The following HIP1R variants were observed in gnomAD, a reference collection of about 807,000 sequenced individuals.
HIP1R encodes huntingtin interacting protein 1 related.
A neutral mutation model predicts 144.2 loss-of-function variants in HIP1R; 135 were observed. That is an observed-to-expected ratio of 0.94 (90% CI 0.81 to 1.08). The LOEUF is 1.08. Ranked by LOEUF, HIP1R falls within the 50% of genes least tolerant of loss-of-function variation. HIP1R has a pLI of 0.00. For synonymous variants in HIP1R, 698 were observed against 612.8 expected (o/e 1.14, Z -2.05); for missense variants, 1,462 against 1,432.8 (o/e 1.02, Z -0.33).
intron 1 of HIP1R, among the ~76,000 whole-genome samples, chr12:122,838,452 A>T (rs956988398): frequency 2.0e-5 from 3 of 152,326 alleles, no homozygotes; most frequent in South Asian, 2.1e-4. Context: ...TGTACCATTT[A>T]AAAAGAGGGT....
chr12:122,862,277 C>G lies in HIP1R; in HGVS notation c.*524C>G, dbSNP rs989772647. ...CCAGGCCCTCCAGCTGCGTGGTCTCCGCAGACCAGGCTCTGTGTGGGCTAG... is the reference window on the plus strand; with the variant it reads ...CCAGGCCCTCCAGCTGCGTGGTCTCGGCAGACCAGGCTCTGTGTGGGCTAG... On this transcript the variant is annotated 3_prime_UTR_variant, in exon 32 of 32. Transcript: ENST00000253083. The G allele has an allele frequency of 6.4e-6, 1 of 155,272 alleles. No individual in the cohort carries two copies. 9.6% of individuals were successfully genotyped at this position (155,272 alleles called of 1,614,324 possible).
rs761288261 is a variant in HIP1R, at chr12:122,856,639, C to T, written c.1533C>T (p.Ser511=). ...RESELKLEEK[S]DQLEKLKREL... ...TCCTGTCCCAGCTAGAGGAGAAGAG[C>T]GACCAGCTGGAGAAGCTCAAGAGGG... is the stretch of plus-strand genomic sequence containing the variant. The change falls in exon 17 of 32, where the codon AGC becomes AGT. Residue 511 remains serine (S), a synonymous_variant. Transcript: ENST00000253083. 6.2e-6 allele frequency: 10 copies of T among 1,604,886 alleles called. No homozygotes were observed. Among genetic ancestry groups the T allele is most frequent in the East Asian group, 2.2e-5 (1 of 44,590 alleles).
In HIP1R at chr12:122,855,318, G is replaced by T. The variant is rs777216088; in HGVS notation, c.906G>T (p.Val302=). The part of the protein sequence containing the change: ...ASALAEHIKP[V]VVIPEEAPED... ...CCCTGGCTGAGCACATCAAGCCGGTGGTGGTGATCCCCGAGGAGGCCCCGG... is the reference window on the plus strand; with the variant it reads ...CCCTGGCTGAGCACATCAAGCCGGTTGTGGTGATCCCCGAGGAGGCCCCGG... Residue 302 remains valine, a synonymous_variant, in exon 11 of 32, where the codon GTG becomes GTT. Transcript: ENST00000253083. The T allele has an allele frequency of 3.3e-5, 53 of 1,612,428 alleles. No homozygotes were observed. Among genetic ancestry groups the T allele is most frequent in the Middle Eastern group, 1.7e-4 (1 of 5,986 alleles).
chr12:122,855,735 A>T, intron 12 of HIP1R, 96 bp from the exon 13 acceptor site: 1 of 1,502,852 alleles, frequency 6.7e-7, no homozygotes, highest in South Asian at 1.2e-5. Context: ...AGGTGCCCAA[A>T]TCCTGAGTGG....
chr12:122,861,481 GAAGCC>G lies in HIP1R; in HGVS notation c.3127_3131del (p.Lys1043GlnfsTer11), dbSNP rs1277459189. On this transcript the variant is annotated frameshift_variant, in exon 31 of 32. Coordinates refer to ENST00000253083, the MANE Select transcript of HIP1R (RefSeq NM_003959.3). LOFTEE classifies it high-confidence loss of function. ...CCACCAAGAAACCACCCCTGGCCCA[GAAGCC>G]CAGCGTGGCCCCCAGACAGGACCAC... The G allele has an allele frequency of 6.2e-7, 1 of 1,612,850 alleles. No homozygotes were observed. Among genetic ancestry groups the G allele is most frequent in the Admixed American group, 1.7e-5 (1 of 59,970 alleles).
In HIP1R at chr12:122,858,892, CCAT is replaced by C; in HGVS notation, c.2111_2113del (p.Ile704del). On this transcript the variant is annotated inframe_deletion, in exon 21 of 32. Coordinates refer to ENST00000253083, the MANE Select transcript of HIP1R (RefSeq NM_003959.3). ...CGCTTCTCCCACCTGGCTGCGGATA[CCAT>C]CATCAATGGCGGTGCCACCTCGCAC... The C allele has an allele frequency of 2.5e-6, 4 of 1,613,260 alleles. No homozygotes were observed. Among genetic ancestry groups the C allele is most frequent in the Non-Finnish European group, 3.4e-6 (4 of 1,180,008 alleles).
chr12:122,857,386 C>T (rs1241925027), intron 18 of HIP1R, 171 bp downstream of exon 18: 12 of 671,530 alleles, frequency 1.8e-5, no homozygotes, highest in Non-Finnish European at 3.2e-5. Flanking sequence ...AGGGTCACCA[C>T]ATCATAGCCT....
chr12:122,857,581 G>T, intron 18 of HIP1R: 1 of 418,132 alleles, frequency 2.4e-6, no homozygotes, highest in East Asian at 5.2e-5. Flanking sequence ...CACTTATCTT[G>T]GATAGATAGC....
intron 7 of HIP1R, chr12:122,853,622 T>G (rs1257303221): frequency 1.3e-5 from 2 of 159,198 alleles, no homozygotes; most frequent in Non-Finnish European, 2.7e-5. Context: ...GCCGTGTTAC[T>G]TGGCAGAAGC....
At chr12:122,851,802 C>T (rs2033406907) in intron 7 of HIP1R, among the ~76,000 whole-genome samples, 1 of 152,170 alleles carries the variant, frequency 6.6e-6, no homozygotes, top group Non-Finnish European at 1.5e-5. Flanking sequence ...CGGGTACATC[C>T]AGGATACAGG....
chr12:122,861,703 C>T lies in HIP1R; in HGVS notation c.3160-3C>T, dbSNP rs1319094726. The T allele has an allele frequency of 4.3e-6, 7 of 1,614,096 alleles. No individual in the cohort carries two copies. Among genetic ancestry groups the T allele is most frequent in the South Asian group, 2.2e-5 (2 of 91,078 alleles). ...ACTGACCCCCCACCTTTAACCCCTG[C>T]AGCTTGACAAAAAGGATGGCATCTA... On this transcript the variant is annotated splice_polypyrimidine_tract_variant and splice_region_variant and intron_variant, in intron 31 of 31. Coordinates refer to ENST00000253083, the MANE Select transcript of HIP1R (RefSeq NM_003959.3).
In HIP1R at chr12:122,848,040, A is replaced by G; in HGVS notation, c.103A>G (p.Ile35Val). 6.2e-7 allele frequency: 1 copy of G among 1,613,664 alleles called. No individual in the cohort carries two copies. Among genetic ancestry groups the G allele is most frequent in the Non-Finnish European group, 8.5e-7 (1 of 1,179,956 alleles). Residue 35 changes from isoleucine to valine, a missense_variant, in exon 2 of 32, where the codon ATC becomes GTC. Transcript: ENST00000253083. ...CCTTTGTCCCTCACAGGCCATCAGC[A>G]TCAGCAAAGCCATCAACACCCAGGA... is the stretch of plus-strand genomic sequence containing the variant. ...EQFDKTQAISISKAINTQEAP... is the reference protein window; with the variant it reads ...EQFDKTQAISVSKAINTQEAP...
In HIP1R at chr12:122,835,523, C is replaced by A; in HGVS notation, c.-28C>A. 7.6e-7 allele frequency: 1 copy of A among 1,324,270 alleles called. No homozygotes were observed. The highest frequency in any genetic ancestry group is 9.7e-7 in the Non-Finnish European group (1 of 1,029,492). 82.0% of individuals were successfully genotyped at this position (1,324,270 alleles called of 1,614,324 possible). A position where few individuals can be genotyped will look rare whatever the true frequency, so the allele number is the denominator to read the frequency against. ...GAGGCTGTGAGTCGCGCGGACGGAG[C>A]CGGACAAAAGCGGGCGGCGGCGGCA... On this transcript the variant is annotated 5_prime_UTR_variant, in exon 1 of 32. Transcript: ENST00000253083.
chr12:122,857,140 A>G lies in HIP1R; in HGVS notation c.1740A>G (p.Thr580=), dbSNP rs1158748111. 7 of 1,550,298 alleles carry G rather than the reference A, an allele frequency of 4.5e-6. No individual in the cohort carries two copies. Among genetic ancestry groups the G allele is most frequent in the Non-Finnish European group, 6.1e-6 (7 of 1,146,888 alleles). The change falls in exon 18 of 32, where the codon ACA becomes ACG. Residue 580 remains threonine (T), a synonymous_variant. Transcript: ENST00000253083. ...CGGCGCAGAGCCTGGTGCGCGAGAC[A>G]GAGGCGGCGCTGAGCCGGGAGCAGC... ...LLAAQSLVRE[T]EAALSREQQR... is the part of the protein sequence containing the mutation.
At chr12:122,853,987 G>A in intron 7 of HIP1R, 56 bp from the exon 8 acceptor site, 24 of 1,582,352 alleles carry the variant, frequency 1.5e-5, no homozygotes, top group Non-Finnish European at 2.1e-5. Flanking sequence ...GACCACCTTG[G>A]ACAGGTTGCC....
chr12:122,855,886 G>A lies in HIP1R; in HGVS notation c.1111G>A (p.Glu371Lys), dbSNP rs997589456. ...REVEMLRSEL[E>K]KIKLEAQRYI... ...GGTGGAAATGCTCCGCTCTGAACTG[G>A]AGAAGATCAAGCTGGAGGTGCGGGG... is the stretch of plus-strand genomic sequence containing the variant. Residue 371 changes from glutamate to lysine, a missense_variant, in exon 13 of 32, where the codon GAG becomes AAG. Physicochemically the swap from Glu to Lys is moderately conservative, Grantham distance 56 (BLOSUM62 1). Transcript: ENST00000253083. 1.4e-5 allele frequency: 20 copies of A among 1,400,486 alleles called. No homozygotes were observed. Among genetic ancestry groups the A allele is most frequent in the Middle Eastern group, 3.6e-4 (2 of 5,528 alleles). The allele number at this position is 1,400,486 out of a possible 1,614,324, so 86.8% of individuals were successfully genotyped here.
At chr12:122,843,748 C>G (rs2033126858) in intron 1 of HIP1R, among the ~76,000 whole-genome samples, 1 of 152,236 alleles carries the variant, frequency 6.6e-6, no homozygotes, top group East Asian at 1.9e-4. Flanking sequence ...TCTGTGGAAC[C>G]AGGCAGGAGC....
At chr12:122,837,775 CG>C (rs1401568262) in intron 1 of HIP1R, among the ~76,000 whole-genome samples, 1 of 152,130 alleles carries the variant, frequency 6.6e-6, no homozygotes, top group Non-Finnish European at 1.5e-5. Context: ...TGGGTTTGCT[CG>C]TCTTCACAGT....
At chr12:122,844,263 C>T (rs2033145785) in intron 1 of HIP1R, among the ~76,000 whole-genome samples, 1 of 152,168 alleles carries the variant, frequency 6.6e-6, no homozygotes, top group Non-Finnish European at 1.5e-5. Flanking sequence ...TTCTAAGTAG[C>T]AGGGGACTAC....
Sources: allele counts gnomAD v4.1 joint callset (sites outside exome capture counted in the v4.1 genomes callset), GRCh38; gene constraint gnomAD v4.1.1; transcripts MANE v1.5; gene names NCBI Gene and HGNC (gene_info 2026-07-23, HGNC 2026-07-21).